Variants in GREB1L observed in about 807,000 individuals in gnomAD.
The protein encoded by GREB1L is GREB1 like retinoic acid receptor coactivator, also known as GREB1-like protein.
Under a neutral mutation model 200.8 loss-of-function variants are expected in GREB1L, and 17 were observed. The observed-to-expected ratio is 0.08, with a 90% CI of 0.06 to 0.13. The LOEUF (loss-of-function observed/expected upper bound fraction) is 0.13. Ranked by LOEUF, GREB1L falls within the 10% of genes least tolerant of loss-of-function variation. The probability of loss-of-function intolerance (pLI) is 1.00; values close to 1 mark genes in which losing one functional copy is unlikely to be tolerated. For synonymous variants in GREB1L, 789 were observed against 893.0 expected (o/e 0.88, Z 2.08); for missense variants, 1,657 against 2,367.7 (o/e 0.70, Z 6.23).
At chr18:21,243,791 C>G (rs983367095) in intron 1 of GREB1L, among the ~76,000 whole-genome samples, 1 of 152,050 alleles carries the variant, frequency 6.6e-6, no homozygotes, top group Non-Finnish European at 1.5e-5. Context: ...CAGTTACATG[C>G]ATATAGGTAT....
chr18:21,398,882 A>C lies in GREB1L; in HGVS notation c.533-2268A>C, dbSNP rs1477193888. ...AGGTAATTTGGCTGTGAGTGGTGTT[A>C]TTTTTTGTTTTCAATGACAACAAGA... On this transcript the variant is annotated intron_variant, in intron 5 of 32. Transcript: ENST00000424526. Among the ~76,000 whole-genome samples, 4 of 152,284 alleles carry C rather than the reference A, an allele frequency of 2.6e-5. No homozygotes were observed. In the East Asian group the frequency reaches 7.7e-4, roughly 29 times the overall value.
At chr18:21,472,589 T>TG (rs2035525618) in intron 15 of GREB1L, among the ~76,000 whole-genome samples, 1 of 142,270 alleles carries the variant, frequency 7.0e-6, no homozygotes. Flanking sequence ...AACATTATAT[T>TG]GGTTTTTTTT....
intron 21 of GREB1L, among the ~76,000 whole-genome samples, chr18:21,499,095 C>T (rs542323561): frequency 3.9e-5 from 6 of 152,296 alleles, no homozygotes; most frequent in Admixed American, 2.6e-4. Context: ...CGCAGGGCAT[C>T]CCCCACCCTA....
intron 1 of GREB1L, among the ~76,000 whole-genome samples, chr18:21,337,596 C>T (rs1354805220): frequency 6.6e-6 from 1 of 152,142 alleles, no homozygotes; most frequent in African/African-American, 2.4e-5. Flanking sequence ...TAAGAGGCAC[C>T]ATAACTGATT....
chr18:21,256,786 A>G (rs576180128), intron 1 of GREB1L, among the ~76,000 whole-genome samples: 205 of 152,152 alleles, frequency 1.3e-3, no homozygotes, highest in Non-Finnish European at 2.4e-3. Flanking sequence ...CAGGCAGATC[A>G]CTTGAGGTCA....
chr18:21,343,759 A>T (rs1324920726), intron 1 of GREB1L, among the ~76,000 whole-genome samples: 7 of 137,256 alleles, frequency 5.1e-5, no homozygotes, highest in African/African-American at 1.9e-4. Context: ...TTTTTGAGAC[A>T]GAGTCTCGCT....
chr18:21,365,616 G>T (rs1287195756), intron 1 of GREB1L, among the ~76,000 whole-genome samples: 1 of 152,018 alleles, frequency 6.6e-6, no homozygotes, highest in East Asian at 1.9e-4. Flanking sequence ...AATTTGGGCC[G>T]GGTATCAGGG....
intron 15 of GREB1L, among the ~76,000 whole-genome samples, chr18:21,465,049 G>A (rs2145604380): frequency 6.6e-6 from 1 of 152,130 alleles, no homozygotes; most frequent in East Asian, 1.9e-4. Context: ...TTATGGAATG[G>A]CTAAATCAAA....
chr18:21,264,090 T>C (rs1345691577), intron 1 of GREB1L, among the ~76,000 whole-genome samples: 1 of 152,182 alleles, frequency 6.6e-6, no homozygotes, highest in African/African-American at 2.4e-5. Context: ...ATAAACTGCT[T>C]TGAGATCTAA....
At chr18:21,414,628 G>T (rs535087794) in intron 7 of GREB1L, among the ~76,000 whole-genome samples, 1 of 152,208 alleles carries the variant, frequency 6.6e-6, no homozygotes, top group South Asian at 2.1e-4. Flanking sequence ...GCAATTACTG[G>T]GTACTAGGAG....
intron 1 of GREB1L, among the ~76,000 whole-genome samples, chr18:21,318,105 C>CAA (rs61304976): frequency 1.8e-4 from 16 of 89,644 alleles, no homozygotes; most frequent in Middle Eastern, 5.8e-3. Context: ...GAGATTCCGT[C>CAA]AAAAAAAAAA....
intron 2 of GREB1L, among the ~76,000 whole-genome samples, chr18:21,372,684 G>A (rs1295706983): frequency 6.6e-6 from 1 of 151,938 alleles, no homozygotes; most frequent in Non-Finnish European, 1.5e-5. Context: ...CACTTCGGGA[G>A]GCCGAGGCGG....
Position 21,525,763 on chromosome 18 carries a change from A to AATT in GREB1L, c.*2945_*2947dup. ...ATGAAGATGCTGTTATTGTAGTATG[A>AATT]ATTATATCTTCTTAAAAAATTTTAC... On this transcript the variant is annotated 3_prime_UTR_variant, in exon 33 of 33. Transcript: ENST00000424526. 6.6e-6 allele frequency among the ~76,000 whole-genome samples: 1 copy of AATT among 152,338 alleles called. No individual in the cohort carries two copies. The highest frequency in any genetic ancestry group is 1.5e-5 in the Non-Finnish European group (1 of 68,030).
At chr18:21,278,904 A>C (rs1256593377) in intron 1 of GREB1L, among the ~76,000 whole-genome samples, 1 of 152,222 alleles carries the variant, frequency 6.6e-6, no homozygotes, top group African/African-American at 2.4e-5. Context: ...ATAGTCTAAT[A>C]GTTACATTAG....
At chr18:21,292,098 C>G (rs1029967304) in intron 1 of GREB1L, among the ~76,000 whole-genome samples, 4 of 152,074 alleles carry the variant, frequency 2.6e-5, no homozygotes, top group African/African-American at 9.7e-5. Context: ...CTGATGAGTT[C>G]TGTAAAAAAT....
chr18:21,312,950 T>C (rs2038815281), intron 1 of GREB1L, among the ~76,000 whole-genome samples: 1 of 152,174 alleles, frequency 6.6e-6, no homozygotes, highest in South Asian at 2.1e-4. Context: ...TTTCACATGC[T>C]TGTTGGCTGC....
intron 25 of GREB1L, 31 bp downstream of exon 25, chr18:21,505,980 T>C (rs1192489613): frequency 6.5e-7 from 1 of 1,538,272 alleles, no homozygotes; most frequent in East Asian, 2.5e-5. Flanking sequence ...TCGCCCTCTG[T>C]CACCCAGTAT....
intron 1 of GREB1L, among the ~76,000 whole-genome samples, chr18:21,278,078 G>A (rs1598624316): frequency 6.6e-6 from 1 of 152,138 alleles, no homozygotes; most frequent in East Asian, 1.9e-4. Flanking sequence ...ATAGATTGAA[G>A]GATATTAAAG....
chr18:21,483,251 A>G (rs961177247), intron 17 of GREB1L, among the ~76,000 whole-genome samples: 1 of 152,194 alleles, frequency 6.6e-6, no homozygotes, highest in Non-Finnish European at 1.5e-5. Context: ...AGGATTTGAC[A>G]TTTTCCCAAA....
Sources: allele counts gnomAD v4.1 joint callset (sites outside exome capture counted in the v4.1 genomes callset), GRCh38; gene constraint gnomAD v4.1.1; transcripts MANE v1.5; gene names NCBI Gene and HGNC (gene_info 2026-07-23, HGNC 2026-07-21).